The following PUM1 variants were observed in gnomAD, a reference collection of about 807,000 sequenced individuals.
The protein encoded by PUM1 is pumilio homolog 1.
In PUM1, 13 loss-of-function variants were observed where a neutral mutation model predicts 131.8. The ratio of observed to expected loss-of-function variants is 0.10; its 90% CI spans 0.06 to 0.16. PUM1 has a LOEUF of 0.16. Among genes scored for constraint, PUM1 ranks in the 10% least tolerant of loss-of-function variants. PUM1 has a pLI of 1.00. For synonymous variants in PUM1, 509 were observed against 556.5 expected, an observed-to-expected ratio of 0.91 and a Z score of 1.20; for missense variants, 961 against 1,512.4, an observed-to-expected ratio of 0.64 and a Z score of 6.05.
Position 30,966,260 on chromosome 1 carries a change from G to A in PUM1, c.1808C>T (p.Ala603Val). 1 of 1,599,444 alleles carries A rather than the reference G, an allele frequency of 6.3e-7. No individual in the cohort carries two copies. The highest frequency in any genetic ancestry group is 8.5e-7 in the Non-Finnish European group (1 of 1,170,318). The stretch of plus-strand genomic sequence containing the variant: ...ACCACCAGCTGCTCCATTTGCTGAA[G>A]CTGCGGCTGCTGCAACAGCTATGAA... ...AAQAAVAAAAASANGAAGGLA... is the reference protein window; with the variant it reads ...AAQAAVAAAAVSANGAAGGLA... Residue 603 changes from alanine (A) to valine (V), a missense_variant, in exon 13 of 22, where the codon GCT becomes GTT. Around this residue, in one of 4 missense-constraint regions of PUM1, gnomAD observed 654 missense variants for 923.9 expected, o/e 0.71. Coordinates refer to ENST00000426105, the MANE Select transcript of PUM1 (RefSeq NM_001020658.2).
At chr1:31,055,371 A>G (rs753756942) in intron 2 of PUM1, 1 of 456,164 alleles carries the variant, frequency 2.2e-6, no homozygotes, top group African/African-American at 2.0e-5. Flanking sequence ...CGAAAGTTTC[A>G]TAATACCTCC....
At chr1:30,980,025 C>T (rs760102436) in intron 9 of PUM1, 37 bp downstream of exon 9, 1 of 1,429,920 alleles carries the variant, frequency 7.0e-7, no homozygotes, top group Non-Finnish European at 9.6e-7. Context: ...GACTTTTCAG[C>T]AGGTGAGAAA....
rs148497938 is a variant in PUM1, at chr1:31,038,352, T to G, written c.364-9488A>C. On this transcript the variant is annotated intron_variant, in intron 2 of 21. Coordinates refer to ENST00000426105, the MANE Select transcript of PUM1 (RefSeq NM_001020658.2). ...AACCTGCGATTACTTCTCTAGTTGA[T>G]TTGCTCTCCCTTTGCGATGGACTAG... 7.9e-4 allele frequency among the ~76,000 whole-genome samples: 121 copies of G among 152,260 alleles called. 1 individual carries two copies. The highest frequency in any genetic ancestry group is 2.7e-3 in the African/African-American group (113 of 41,548).
chr1:31,038,214 AAG>A (rs200134887), intron 2 of PUM1, among the ~76,000 whole-genome samples: 11 of 152,012 alleles, frequency 7.2e-5, no homozygotes, highest in Non-Finnish European at 1.0e-4. Flanking sequence ...AAAAAAAAAA[AAG>A]AGAGAGAGAA....
intron 3 of PUM1, among the ~76,000 whole-genome samples, chr1:31,015,484 G>A (rs953778299): frequency 6.6e-6 from 1 of 151,530 alleles, no homozygotes; most frequent in Non-Finnish European, 1.5e-5. Context: ...TGGGAATACA[G>A]GCACCTGCCA....
At chr1:31,052,449 A>C (rs1644134503) in intron 2 of PUM1, among the ~76,000 whole-genome samples, 1 of 151,530 alleles carries the variant, frequency 6.6e-6, no homozygotes, top group Non-Finnish European at 1.5e-5. Context: ...ACTGTCACAC[A>C]GGCTGGAGTG....
intron 5 of PUM1, 36 bp downstream of exon 5, chr1:31,005,812 AGAGAG>A (rs1557581829): frequency 1.3e-6 from 2 of 1,527,214 alleles, no homozygotes; most frequent in South Asian, 1.3e-5. Flanking sequence ...AGAGAGAGAG[AGAGAG>A]AGAGAGATAG....
intron 3 of PUM1, among the ~76,000 whole-genome samples, chr1:31,012,553 A>T (rs1321784425): frequency 2.6e-4 from 2 of 7,718 alleles, no homozygotes; most frequent in East Asian, 0.056. Flanking sequence ...TATGAAAAGT[A>T]AAAAAAAAAA....
At chr1:31,027,919 T>C (rs1168818037) in intron 3 of PUM1, among the ~76,000 whole-genome samples, 3 of 152,152 alleles carry the variant, frequency 2.0e-5, no homozygotes, top group Admixed American at 2.0e-4. Context: ...GTAGGAGCTA[T>C]CAAATATTAG....
chr1:30,982,333 T>C (rs964304924), intron 7 of PUM1, among the ~76,000 whole-genome samples: 2 of 152,168 alleles, frequency 1.3e-5, no homozygotes, highest in African/African-American at 4.8e-5. Flanking sequence ...TGACAGTCAA[T>C]AAAACAATAC....
At chr1:31,061,013 C>T (rs1222225136) in intron 1 of PUM1, among the ~76,000 whole-genome samples, 1 of 152,120 alleles carries the variant, frequency 6.6e-6, no homozygotes, top group Non-Finnish European at 1.5e-5. Context: ...AGCCTAAGCC[C>T]TCTCCTCAGT....
chr1:30,970,556 T>C (rs1640834802), intron 10 of PUM1, among the ~76,000 whole-genome samples: 1 of 152,170 alleles, frequency 6.6e-6, no homozygotes, highest in Non-Finnish European at 1.5e-5. Context: ...CCTAACCAAC[T>C]TTGTAAGAGA....
In PUM1 at chr1:30,933,128, C is replaced by G. The variant is rs1044983708; in HGVS notation, c.*83G>C. ...CCACTTGCCCGTCTCAGACTCTACA[C>G]TAGAACATTTCTGGTTGCTGGTTGG... On this transcript the variant is annotated 3_prime_UTR_variant, in exon 22 of 22. Coordinates refer to ENST00000426105, the MANE Select transcript of PUM1 (RefSeq NM_001020658.2). 17 of 1,514,582 alleles carry G rather than the reference C, an allele frequency of 1.1e-5. 1 individual carries two copies. The African/African-American group carries it at 2.4e-4, about 21-fold the overall frequency. 93.8% of individuals were successfully genotyped at this position (1,514,582 alleles called of 1,614,324 possible). A position where few individuals can be genotyped will look rare whatever the true frequency, so the allele number is the denominator to read the frequency against.
chr1:31,020,377 T>C (rs1642978862), intron 3 of PUM1, among the ~76,000 whole-genome samples: 1 of 152,230 alleles, frequency 6.6e-6, no homozygotes, highest in Non-Finnish European at 1.5e-5. Flanking sequence ...CAAGTGTCTT[T>C]TTGGTATAAC....
intron 16 of PUM1, among the ~76,000 whole-genome samples, chr1:30,950,504 T>C (rs1424612167): frequency 2.0e-5 from 3 of 152,230 alleles, no homozygotes; most frequent in Non-Finnish European, 4.4e-5. Context: ...AATAGGTAGT[T>C]TCACTATTAA....
At chr1:30,936,945 A>G in intron 20 of PUM1, 110 bp from the exon 21 acceptor site, 1 of 931,464 alleles carries the variant, frequency 1.1e-6, no homozygotes. Context: ...AGAGAGAGCT[A>G]TTTAACATTT....
intron 1 of PUM1, among the ~76,000 whole-genome samples, chr1:31,064,465 C>T (rs1005490595): frequency 5.3e-5 from 8 of 152,066 alleles, no homozygotes; most frequent in African/African-American, 1.9e-4. Flanking sequence ...AAAACTGCAT[C>T]GGAAGCCACA....
At chr1:31,006,097 C>T (rs1642393289) in intron 4 of PUM1, 66 bp from the exon 5 acceptor site, 1 of 1,373,186 alleles carries the variant, frequency 7.3e-7, no homozygotes, top group African/African-American at 1.5e-5. Flanking sequence ...TGAGTGATGT[C>T]TCATGGATAA....
rs1639456591 is a variant in PUM1 at position 30,941,994 on chromosome 1, C to T, written c.3120+4G>A. ...CGCAGTTCCTCTACTGGCAACTCCA[C>T]TACCTGTACAAGCTGCTCTGTGTGC... On this transcript the variant is annotated splice_donor_region_variant and intron_variant, in intron 19 of 21. Transcript: ENST00000426105. 2 of 1,566,124 alleles carry T rather than the reference C, an allele frequency of 1.3e-6. No homozygotes were observed. Among genetic ancestry groups the T allele is most frequent in the Non-Finnish European group, 1.7e-6 (2 of 1,149,848 alleles).
Sources: gnomAD v4.1 joint callset for allele counts (sites outside exome capture counted in the v4.1 genomes callset) on GRCh38, gnomAD v4.1.1 for gene constraint, gnomAD v4.1.1 regional missense constraint, MANE v1.5 for transcripts, NCBI Gene and HGNC (gene_info 2026-07-23, HGNC 2026-07-21) for gene names.